Variants in CNTN3 observed in about 807,000 individuals in gnomAD.
The protein encoded by CNTN3 is contactin 3, also known as contactin-3.
Under a neutral mutation model 119.1 loss-of-function variants are expected in CNTN3, and 60 were observed. The observed-to-expected ratio is 0.50, with a 90% CI of 0.41 to 0.62. The LOEUF (loss-of-function observed/expected upper bound fraction) is 0.62. Among genes scored for constraint, CNTN3 ranks in the 20% least tolerant of loss-of-function variants. CNTN3 has a pLI of 0.00. For synonymous variants in CNTN3, 450 were observed against 438.7 expected, an observed-to-expected ratio of 1.03 and a Z score of -0.32; for missense variants, 1,101 against 1,242.4, an observed-to-expected ratio of 0.89 and a Z score of 1.71.
intron 4 of CNTN3, among the ~76,000 whole-genome samples, chr3:74,430,678 A>G (rs1181027944): frequency 6.6e-6 from 1 of 152,102 alleles, no homozygotes; most frequent in Non-Finnish European, 1.5e-5. Flanking sequence ...GGGTACTATG[A>G]GGGATCCTTG....
At chr3:74,586,344 T>A (rs1480696250) in intron 1 of CNTN3, among the ~76,000 whole-genome samples, 1 of 152,154 alleles carries the variant, frequency 6.6e-6, no homozygotes, top group African/African-American at 2.4e-5. Context: ...AAATATACAT[T>A]GTACCCTATA....
chr3:74,402,984 G>A (rs547455056), intron 5 of CNTN3, among the ~76,000 whole-genome samples: 4 of 152,232 alleles, frequency 2.6e-5, no homozygotes, highest in African/African-American at 9.6e-5. Context: ...TATTCTGAAG[G>A]GTTAGGATAG....
At chr3:74,396,918 C>A (rs1705072168) in intron 5 of CNTN3, among the ~76,000 whole-genome samples, 1 of 152,120 alleles carries the variant, frequency 6.6e-6, no homozygotes, top group South Asian at 2.1e-4. Context: ...CCAGGACAGC[C>A]AGCGAAGATC....
At chr3:74,395,993 A>C (rs1397174126) in intron 5 of CNTN3, among the ~76,000 whole-genome samples, 1 of 152,180 alleles carries the variant, frequency 6.6e-6, no homozygotes, top group Non-Finnish European at 1.5e-5. Context: ...TGCTCATGTA[A>C]GATGGCAAAC....
chr3:74,325,819 G>T (rs779960382), intron 13 of CNTN3, among the ~76,000 whole-genome samples: 1 of 152,120 alleles, frequency 6.6e-6, no homozygotes, highest in Non-Finnish European at 1.5e-5. Context: ...TTCTGTTTCA[G>T]ATTTTGGAAT....
At chr3:74,556,083 G>C (rs1704065226) in intron 1 of CNTN3, among the ~76,000 whole-genome samples, 1 of 152,034 alleles carries the variant, frequency 6.6e-6, no homozygotes, top group Non-Finnish European at 1.5e-5. Flanking sequence ...GTTTTTCATA[G>C]CTTGTAGCTT....
chr3:74,538,987 TA>T (rs200201423), intron 1 of CNTN3, among the ~76,000 whole-genome samples: 1,629 of 150,494 alleles, frequency 0.011, 16 homozygotes, highest in African/African-American at 0.038. Context: ...CTTCTCACAT[TA>T]AAAAAAAATA....
At chr3:74,531,031 T>C (rs1328276856) in intron 1 of CNTN3, among the ~76,000 whole-genome samples, 1 of 151,952 alleles carries the variant, frequency 6.6e-6, no homozygotes, top group Non-Finnish European at 1.5e-5. Flanking sequence ...GGCAAAATAC[T>C]TAGCAGAATT....
intron 20 of CNTN3, among the ~76,000 whole-genome samples, chr3:74,268,230 G>A (rs1417931939): frequency 6.6e-6 from 1 of 152,046 alleles, no homozygotes; most frequent in Admixed American, 6.6e-5. Context: ...AGGGATGGCC[G>A]ATAGTATTTG....
At chr3:74,301,173 C>T (rs1194023104) in intron 16 of CNTN3, among the ~76,000 whole-genome samples, 1 of 152,176 alleles carries the variant, frequency 6.6e-6, no homozygotes, top group East Asian at 1.9e-4. Context: ...CACTAATGAT[C>T]ATTTACAATG....
chr3:74,600,139 C>G (rs1015936332), intron 1 of CNTN3, among the ~76,000 whole-genome samples: 2 of 151,982 alleles, frequency 1.3e-5, no homozygotes, highest in African/African-American at 2.4e-5. Flanking sequence ...GTGGGACAAT[C>G]AAGGGCTCTC....
At chr3:74,599,536 G>A (rs940512446) in intron 1 of CNTN3, among the ~76,000 whole-genome samples, 2 of 152,040 alleles carry the variant, frequency 1.3e-5, no homozygotes, top group African/African-American at 4.8e-5. Context: ...TTCTCATAAG[G>A]AGCATGCCAC....
intron 1 of CNTN3, among the ~76,000 whole-genome samples, chr3:74,606,066 T>C (rs1704987149): frequency 2.0e-5 from 3 of 152,004 alleles, no homozygotes; most frequent in African/African-American, 7.2e-5. Context: ...AGTAAACATA[T>C]GCAATTTTTC....
chr3:74,472,795 T>C (rs1336953335), intron 4 of CNTN3, among the ~76,000 whole-genome samples: 2 of 152,216 alleles, frequency 1.3e-5, no homozygotes, highest in African/African-American at 2.4e-5. Context: ...GCTTTGGATG[T>C]GATCAAAGTC....
chr3:74,326,096 G>A (rs1703123115), intron 13 of CNTN3, among the ~76,000 whole-genome samples: 2 of 152,058 alleles, frequency 1.3e-5, no homozygotes. Context: ...ATTTCATCTA[G>A]AAATATTGAC....
chr3:74,573,539 A>G (rs549831840), intron 1 of CNTN3, among the ~76,000 whole-genome samples: 1 of 152,284 alleles, frequency 6.6e-6, no homozygotes, highest in Admixed American at 6.5e-5. Context: ...TTTGTAAACC[A>G]AGTATCTGTT....
chr3:74,346,151 T>C (rs1703682461), intron 11 of CNTN3, among the ~76,000 whole-genome samples: 1 of 152,052 alleles, frequency 6.6e-6, no homozygotes, highest in African/African-American at 2.4e-5. Context: ...AAGAAATAAA[T>C]ACAATAAAGT....
chr3:74,313,176 A>C (rs1325743240), intron 13 of CNTN3, among the ~76,000 whole-genome samples: 1 of 152,182 alleles, frequency 6.6e-6, no homozygotes. Flanking sequence ...TGCAAGAACA[A>C]TGGAACAACT....
chr3:74,336,183 T>A (rs1228280931), intron 12 of CNTN3, among the ~76,000 whole-genome samples: 1 of 151,770 alleles, frequency 6.6e-6, no homozygotes, highest in Non-Finnish European at 1.5e-5. Context: ...GACTTGAACA[T>A]CTCCAGAAAA....
Sources: gnomAD v4.1 joint callset for allele counts (sites outside exome capture counted in the v4.1 genomes callset) on GRCh38, gnomAD v4.1.1 for gene constraint, MANE v1.5 for transcripts, NCBI Gene and HGNC (gene_info 2026-07-23, HGNC 2026-07-21) for gene names.